Variants in NELL1 observed in about 807,000 individuals in gnomAD.
NELL1 encodes neural EGFL like 1.
Under a neutral mutation model 107.4 loss-of-function variants are expected in NELL1, and 76 were observed. The observed-to-expected ratio is 0.71, with a 90% confidence interval of 0.59 to 0.86. The LOEUF is 0.86. NELL1 is among the 40% of genes least tolerant of loss of function. NELL1 has a pLI of 0.00. For missense variants in NELL1, 1,024 were observed against 1,005.5 expected (o/e 1.02, Z -0.25); for synonymous variants, 353 against 341.2 (o/e 1.03, Z -0.38).
At chr11:20,726,079 G>A (rs1855501391) in intron 2 of NELL1, among the ~76,000 whole-genome samples, 1 of 151,966 alleles carries the variant, frequency 6.6e-6, no homozygotes, top group Non-Finnish European at 1.5e-5. Flanking sequence ...CATGATTTCG[G>A]TCTTTTTTAT....
chr11:21,179,830 T>C (rs1305915076), intron 13 of NELL1, among the ~76,000 whole-genome samples: 3 of 149,810 alleles, frequency 2.0e-5, no homozygotes, highest in Non-Finnish European at 4.4e-5. Flanking sequence ...AGGGAAGTAT[T>C]TGTGCAAAGG....
intron 13 of NELL1, among the ~76,000 whole-genome samples, chr11:21,116,457 T>C (rs1855238397): frequency 6.6e-6 from 1 of 151,974 alleles, no homozygotes; most frequent in Non-Finnish European, 1.5e-5. Flanking sequence ...TTCCAATCTT[T>C]TTTCTGAACT....
chr11:20,780,573 A>G (rs910249515), intron 2 of NELL1, among the ~76,000 whole-genome samples: 5 of 152,238 alleles, frequency 3.3e-5, no homozygotes, highest in African/African-American at 1.2e-4. Context: ...GAAAGGAAAT[A>G]ATATGAGGTA....
intron 3 of NELL1, among the ~76,000 whole-genome samples, chr11:20,828,943 A>C (rs1185283938): frequency 6.6e-6 from 1 of 152,220 alleles, no homozygotes; most frequent in Admixed American, 6.5e-5. Context: ...TCAAAAGAGA[A>C]AGTCCAGAGG....
chr11:20,871,949 G>A (rs937370751), intron 4 of NELL1, among the ~76,000 whole-genome samples: 6 of 149,714 alleles, frequency 4.0e-5, no homozygotes, highest in Admixed American at 2.7e-4. Context: ...AACCTGGGAG[G>A]CGGAGCTTGC....
intron 15 of NELL1, among the ~76,000 whole-genome samples, chr11:21,427,950 T>A (rs889344279): frequency 6.6e-5 from 10 of 152,194 alleles, no homozygotes; most frequent in Non-Finnish European, 1.3e-4. Context: ...TGAGGTGCTC[T>A]GTGAGGGATG....
intron 14 of NELL1, among the ~76,000 whole-genome samples, chr11:21,280,501 G>C (rs1207191560): frequency 6.6e-6 from 1 of 152,196 alleles, no homozygotes; most frequent in Non-Finnish European, 1.5e-5. Flanking sequence ...CATGTGACAT[G>C]AAGAGAGAAT....
chr11:21,137,692 G>A lies in NELL1; in HGVS notation c.1426+23978G>A, dbSNP rs533445002. Among the ~76,000 whole-genome samples, 55 of 152,310 alleles carry A rather than the reference G, an allele frequency of 3.6e-4. 1 individual carries two copies. The South Asian group carries it at 3.9e-3, about 11-fold the overall frequency. ...AGGCTAGATGGGAAAGCAGAATAAA[G>A]ATGCTTAAGGCATCATTTCAGGCAG... On this transcript the variant is annotated intron_variant, in intron 13 of 19. Transcript: ENST00000357134.
intron 15 of NELL1, among the ~76,000 whole-genome samples, chr11:21,469,883 G>T (rs1198151822): frequency 6.6e-6 from 1 of 152,046 alleles, no homozygotes; most frequent in South Asian, 2.1e-4. Flanking sequence ...CTCTATTTGT[G>T]TACTTTCAGA....
At chr11:21,436,395 T>C (rs548438764) in intron 15 of NELL1, among the ~76,000 whole-genome samples, 1 of 152,270 alleles carries the variant, frequency 6.6e-6, no homozygotes, top group Non-Finnish European at 1.5e-5. Flanking sequence ...TCCAGGAATA[T>C]ATATATTCCC....
At chr11:21,409,463 G>A (rs1852320414) in intron 15 of NELL1, among the ~76,000 whole-genome samples, 1 of 152,012 alleles carries the variant, frequency 6.6e-6, no homozygotes, top group African/African-American at 2.4e-5. Context: ...GATAGCATTA[G>A]GAGATATACC....
intron 12 of NELL1, among the ~76,000 whole-genome samples, chr11:21,065,922 A>G (rs576839830): frequency 1.2e-4 from 19 of 152,278 alleles, no homozygotes; most frequent in African/African-American, 3.8e-4. Flanking sequence ...CCATTTATAA[A>G]TACTTGTTCC....
chr11:21,566,800 G>T (rs1459137069), intron 17 of NELL1, among the ~76,000 whole-genome samples: 2 of 151,720 alleles, frequency 1.3e-5, no homozygotes, highest in Non-Finnish European at 2.9e-5. Flanking sequence ...TTGTATTAAT[G>T]GAGTCACCTG....
Position 21,534,516 on chromosome 11 carries a change from T to A in NELL1, c.1786+2T>A. The A allele has an allele frequency of 3.1e-6, 5 of 1,613,696 alleles. No homozygotes were observed. The highest frequency in any genetic ancestry group is 4.2e-6 in the Non-Finnish European group (5 of 1,179,720). ...CACTGTCCGGGGAGTCCTGTATTGG[T>A]AAGCAGCTTTCAGGCATGCCCTCCA... On this transcript the variant is annotated splice_donor_variant, in intron 16 of 19. Transcript: ENST00000357134. LOFTEE classifies it high-confidence loss of function.
At chr11:21,255,869 G>A (rs1180044151) in intron 14 of NELL1, among the ~76,000 whole-genome samples, 63 of 151,846 alleles carry the variant, frequency 4.1e-4, no homozygotes, top group Admixed American at 3.9e-3. Context: ...TTTTGTACTT[G>A]CTGGTATTTC....
intron 1 of NELL1, among the ~76,000 whole-genome samples, chr11:20,674,755 C>T (rs939349550): frequency 6.6e-6 from 1 of 152,084 alleles, no homozygotes; most frequent in Admixed American, 6.5e-5. Context: ...GGTGGGGATT[C>T]AAGGATACCA....
At chr11:21,030,894 A>G (rs1852940147) in intron 12 of NELL1, among the ~76,000 whole-genome samples, 1 of 151,998 alleles carries the variant, frequency 6.6e-6, no homozygotes, top group South Asian at 2.1e-4. Context: ...TAATTTTAAA[A>G]AAGGTTTTAT....
chr11:21,192,779 T>A (rs562087182), intron 13 of NELL1, among the ~76,000 whole-genome samples: 1 of 151,752 alleles, frequency 6.6e-6, no homozygotes, highest in Non-Finnish European at 1.5e-5. Context: ...ATGTGGCCAC[T>A]TTTTTCTGGG....
At position 21,442,514 on chromosome 11, in the gene NELL1, A is replaced by T. The variant is rs572220307; in HGVS notation, c.1645+71566A>T. 2.0e-5 allele frequency among the ~76,000 whole-genome samples: 3 copies of T among 152,278 alleles called. No homozygotes were observed. In the South Asian group the frequency reaches 6.2e-4, roughly 32 times the overall value. ...TAAATTAACCATAATTAAATAATAA[A>T]TTCAATTATTCAAGGTAGTTTACTT... On this transcript the variant is annotated intron_variant, in intron 15 of 19. Coordinates refer to ENST00000357134, the MANE Select transcript of NELL1 (RefSeq NM_006157.5).
Sources: gnomAD v4.1 joint callset for allele counts (sites outside exome capture counted in the v4.1 genomes callset) on GRCh38, gnomAD v4.1.1 for gene constraint, MANE v1.5 for transcripts, NCBI Gene and HGNC (gene_info 2026-07-23, HGNC 2026-07-21) for gene names.